RIMKLB: variants seen among roughly 807,000 people sequenced by gnomAD.
The protein encoded by RIMKLB is beta-citrylglutamate synthase B.
RIMKLB carries 7 observed loss-of-function variants against 32.0 expected under a neutral mutation model. The observed-to-expected ratio is 0.22, with a 90% confidence interval of 0.12 to 0.41. The LOEUF is 0.41. Among genes scored for constraint, RIMKLB ranks in the 10% least tolerant of loss-of-function variants. The pLI is 1.00. For missense variants in RIMKLB, 289 were observed against 498.7 expected, an observed-to-expected ratio of 0.58 and a Z score of 4.00; for synonymous variants, 172 against 185.1, an observed-to-expected ratio of 0.93 and a Z score of 0.57.
chr12:8,721,724 C>T (rs1165724729), intron 2 of RIMKLB, among the ~76,000 whole-genome samples: 1 of 152,106 alleles, frequency 6.6e-6, no homozygotes, highest in African/African-American at 2.4e-5. Flanking sequence ...GACCTTCTCT[C>T]ATGAATTATG....
At chr12:8,715,518 C>T (rs1364931491) in intron 2 of RIMKLB, among the ~76,000 whole-genome samples, 1 of 152,098 alleles carries the variant, frequency 6.6e-6, no homozygotes, top group African/African-American at 2.4e-5. Context: ...GGCACCATGC[C>T]CACCTACTCT....
At chr12:8,692,610 A>G (rs1051681850), upstream of RIMKLB, among the ~76,000 whole-genome samples, 3 of 152,212 alleles carry the variant, frequency 2.0e-5, no homozygotes, top group East Asian at 5.8e-4. Context: ...CTTTCCACCC[A>G]TTCTTTCTCT....
intron 5 of RIMKLB, among the ~76,000 whole-genome samples, chr12:8,760,726 G>C (rs1022880250): frequency 6.6e-5 from 10 of 152,154 alleles, no homozygotes; most frequent in African/African-American, 2.4e-4. Flanking sequence ...TGTGTATGTT[G>C]GCTGCATAAA....
At chr12:8,697,886 G>A (rs955676436), upstream of RIMKLB, 3 of 146,718 alleles carry the variant, frequency 2.0e-5, no homozygotes, top group African/African-American at 7.4e-5. Flanking sequence ...GGGCCGGGGC[G>A]CGCGCCGCTC....
At chr12:8,782,077 A>AC (rs1951104553), downstream of RIMKLB, among the ~76,000 whole-genome samples, 1 of 151,294 alleles carries the variant, frequency 6.6e-6, no homozygotes, top group African/African-American at 2.4e-5. Context: ...AGCCTGGGTG[A>AC]CAGAACAGTA....
chr12:8,669,078 A>C, the RIMKLB span: 5 of 161,272 alleles, frequency 3.1e-5, no homozygotes, highest in African/African-American at 1.2e-4. Context: ...TATAAAGAAA[A>C]GAGGTTTATT....
At chr12:8,761,036 T>C (rs954804004) in intron 5 of RIMKLB, among the ~76,000 whole-genome samples, 20 of 152,290 alleles carry the variant, frequency 1.3e-4, no homozygotes, top group African/African-American at 4.6e-4. Flanking sequence ...ATGGATTATG[T>C]TGATATATTT....
intron 1 of RIMKLB, among the ~76,000 whole-genome samples, chr12:8,701,437 T>TC (rs781506305): frequency 3.9e-5 from 6 of 152,172 alleles, no homozygotes; most frequent in East Asian, 3.9e-4. Flanking sequence ...GTTTTTTTTT[T>TC]CCCCTCTCAA....
In RIMKLB at chr12:8,775,094, G is replaced by A. The variant is rs765758021; in HGVS notation, c.*1310G>A. Reference sequence around the variant, plus strand: ...CTTTTTTAGGCCTTTTTGTGTATATGTACGTTGTTTGTTTTTTTCCTTTTG... The same window carrying A: ...CTTTTTTAGGCCTTTTTGTGTATATATACGTTGTTTGTTTTTTTCCTTTTG... On this transcript the variant is annotated 3_prime_UTR_variant, in exon 6 of 6. Coordinates refer to ENST00000535829, the MANE Select transcript of RIMKLB (RefSeq NM_001297776.2). 4.3e-5 allele frequency: 42 copies of A among 985,572 alleles called. No homozygotes were observed. The highest frequency in any genetic ancestry group is 4.9e-5 in the Non-Finnish European group (41 of 829,858). 61.1% of individuals were successfully genotyped at this position (985,572 alleles called of 1,614,324 possible).
intron 1 of RIMKLB, among the ~76,000 whole-genome samples, chr12:8,706,240 A>G (rs1305386406): frequency 6.6e-6 from 1 of 151,566 alleles, no homozygotes; most frequent in Non-Finnish European, 1.5e-5. Context: ...TCTGGGTTCA[A>G]GTGACTCCTC....
At chr12:8,699,079 A>G (rs888977807) in intron 1 of RIMKLB, among the ~76,000 whole-genome samples, 21 of 152,032 alleles carry the variant, frequency 1.4e-4, no homozygotes, top group African/African-American at 4.8e-4. Flanking sequence ...GCGAATAGCG[A>G]TGGGGTGGTA....
At chr12:8,671,671 G>T in the RIMKLB span, among the ~76,000 whole-genome samples, 1 of 152,136 alleles carries the variant, frequency 6.6e-6, no homozygotes, top group Non-Finnish European at 1.5e-5. Flanking sequence ...CCAGCACTTT[G>T]GGAGGCCCAG....
Position 8,775,945 on chromosome 12 carries a change from G to A in RIMKLB, c.*2161G>A, listed in dbSNP as rs894464619. 82 of 983,146 alleles carry A rather than the reference G, an allele frequency of 8.3e-5. No homozygotes were observed. Among genetic ancestry groups the A allele is most frequent in the Middle Eastern group, 5.2e-4 (1 of 1,936 alleles). 60.9% of individuals were successfully genotyped at this position (983,146 alleles called of 1,614,324 possible). On this transcript the variant is annotated 3_prime_UTR_variant, in exon 6 of 6. Coordinates refer to ENST00000535829, the MANE Select transcript of RIMKLB (RefSeq NM_001297776.2). ...GAAAGAAATACTTGGTACTTCTTTC[G>A]CTGAATGACCATACTGTGGAGGATG...
chr12:8,781,996 T>A (rs908490622), downstream of RIMKLB, among the ~76,000 whole-genome samples: 18 of 151,560 alleles, frequency 1.2e-4, no homozygotes, highest in African/African-American at 4.4e-4. Context: ...ATGGTTCTTA[T>A]CTTATTTCAG....
chr12:8,707,551 G>A (rs1329928678), intron 1 of RIMKLB, among the ~76,000 whole-genome samples: 2 of 152,162 alleles, frequency 1.3e-5, no homozygotes, highest in Non-Finnish European at 2.9e-5. Flanking sequence ...ACACAGGCAT[G>A]ATTGATTAAA....
intron 2 of RIMKLB, among the ~76,000 whole-genome samples, chr12:8,725,623 G>A (rs756810391): frequency 2.4e-4 from 37 of 152,316 alleles, no homozygotes; most frequent in African/African-American, 8.4e-4. Context: ...GCTGCAAGGG[G>A]GCAGGTAGGA....
At chr12:8,751,197 A>C (rs1184729851) in intron 3 of RIMKLB, among the ~76,000 whole-genome samples, 1 of 152,214 alleles carries the variant, frequency 6.6e-6, no homozygotes, top group Non-Finnish European at 1.5e-5. Context: ...AAGGAAAAAA[A>C]GGTTAACCAA....
At chr12:8,720,952 T>G (rs781748270) in intron 2 of RIMKLB, among the ~76,000 whole-genome samples, 1 of 152,216 alleles carries the variant, frequency 6.6e-6, no homozygotes, top group Non-Finnish European at 1.5e-5. Context: ...TGGGACAGAT[T>G]TAATACCCTG....
At chr12:8,727,944 A>G (rs1946186405) in intron 2 of RIMKLB, among the ~76,000 whole-genome samples, 1 of 152,058 alleles carries the variant, frequency 6.6e-6, no homozygotes, top group Non-Finnish European at 1.5e-5. Flanking sequence ...ATGATGAAAT[A>G]TATTTGTCTA....
Sources: allele counts gnomAD v4.1 joint callset (sites outside exome capture counted in the v4.1 genomes callset), GRCh38; gene constraint gnomAD v4.1.1; transcripts MANE v1.5; gene names NCBI Gene and HGNC (gene_info 2026-07-23, HGNC 2026-07-21).